Variants in ARHGEF3 observed in about 807,000 individuals in gnomAD.
The protein encoded by ARHGEF3 is 59.8 kDA protein.
In ARHGEF3, 28 loss-of-function variants were observed where a neutral mutation model predicts 63.2. That is an observed-to-expected ratio of 0.44 (90% CI 0.33 to 0.61). The LOEUF (loss-of-function observed/expected upper bound fraction) is 0.61. Among genes scored for constraint, ARHGEF3 ranks in the 20% least tolerant of loss-of-function variants. The pLI is 0.03. For synonymous variants in ARHGEF3, 266 were observed against 254.2 expected (o/e 1.05, Z -0.44); for missense variants, 533 against 659.3 (o/e 0.81, Z 2.10).
intron 4 of ARHGEF3, among the ~76,000 whole-genome samples, chr3:56,855,794 C>T (rs2039853755): frequency 6.6e-6 from 1 of 152,102 alleles, no homozygotes; most frequent in South Asian, 2.1e-4. Context: ...GAAAAACTGT[C>T]ATGCTGAACC....
chr3:56,983,191 T>C (rs948016152), intron 2 of ARHGEF3, among the ~76,000 whole-genome samples: 1 of 152,104 alleles, frequency 6.6e-6, no homozygotes, highest in Admixed American at 6.5e-5. Flanking sequence ...CATCCAACAT[T>C]TAAAAATCTA....
At chr3:56,747,560 G>A (rs904035720) in intron 6 of ARHGEF3, among the ~76,000 whole-genome samples, 20 of 152,192 alleles carry the variant, frequency 1.3e-4, no homozygotes, top group Admixed American at 3.9e-4. Flanking sequence ...AGACTAGGCC[G>A]GGTGCGGTGG....
intron 2 of ARHGEF3, among the ~76,000 whole-genome samples, chr3:57,034,317 A>C (rs1703858825): frequency 6.7e-6 from 1 of 150,210 alleles, no homozygotes; most frequent in Admixed American, 6.6e-5. Flanking sequence ...AAAAAGGCAT[A>C]AGAAAGAGGA....
intron 2 of ARHGEF3, among the ~76,000 whole-genome samples, chr3:56,990,067 G>A (rs1459162324): frequency 3.3e-5 from 5 of 152,202 alleles, no homozygotes; most frequent in African/African-American, 7.2e-5. Context: ...TCGCTACCCA[G>A]ATAAGGAAAG....
At chr3:56,844,418 T>C (rs1254071140) in intron 4 of ARHGEF3, among the ~76,000 whole-genome samples, 1 of 152,232 alleles carries the variant, frequency 6.6e-6, no homozygotes, top group African/African-American at 2.4e-5. Context: ...GCATATTGTC[T>C]GGAATCTTGT....
chr3:56,876,564 G>A (rs1312333619), intron 4 of ARHGEF3, among the ~76,000 whole-genome samples: 4 of 150,992 alleles, frequency 2.6e-5, no homozygotes, highest in African/African-American at 9.8e-5. Context: ...AAGAGTGGTT[G>A]TAACAACAAC....
intron 1 of ARHGEF3, among the ~76,000 whole-genome samples, chr3:57,076,252 A>G (rs1041954340): frequency 2.0e-4 from 31 of 151,360 alleles, no homozygotes; most frequent in African/African-American, 7.3e-4. Flanking sequence ...TTGAAGGGTT[A>G]CTAAACTATG....
At chr3:56,975,147 G>A (rs1701073677) in intron 2 of ARHGEF3, among the ~76,000 whole-genome samples, 2 of 152,168 alleles carry the variant, frequency 1.3e-5, no homozygotes, top group Admixed American at 1.3e-4. Flanking sequence ...GCTGAGTGCG[G>A]TGGCTCACAC....
chr3:56,835,131 T>C (rs1259948411), intron 4 of ARHGEF3, among the ~76,000 whole-genome samples: 2 of 152,136 alleles, frequency 1.3e-5, no homozygotes, highest in East Asian at 1.9e-4. Flanking sequence ...ATTATCTTGT[T>C]TTGTGTGTTC....
At chr3:56,819,968 C>A (rs2038417355) in intron 4 of ARHGEF3, among the ~76,000 whole-genome samples, 1 of 152,056 alleles carries the variant, frequency 6.6e-6, no homozygotes, top group Non-Finnish European at 1.5e-5. Context: ...CACCACCATA[C>A]CCAGCTAATT....
intron 3 of ARHGEF3, among the ~76,000 whole-genome samples, chr3:56,941,667 CTT>C (rs1699194299): frequency 6.6e-6 from 1 of 152,198 alleles, no homozygotes; most frequent in African/African-American, 2.4e-5. Flanking sequence ...TACACACTCT[CTT>C]TAAAAAATTC....
rs142914591 is a variant in ARHGEF3, at chr3:57,030,548, A to G, written c.62+4540T>C. Among the ~76,000 whole-genome samples the G allele has an allele frequency of 3.9e-3, 598 of 152,342 alleles. 4 individuals are homozygous for G. The highest frequency in any genetic ancestry group is 0.014 in the African/African-American group (572 of 41,580). ...TAAATCTTCCCATTTCTCCAGCATA[A>G]GTGAAGTCCTTACTATCCAACCATT... On this transcript the variant is annotated intron_variant, in intron 2 of 12. Coordinates refer to the ARHGEF3 transcript ENST00000338458.
At chr3:56,858,933 G>A (rs1357487748) in intron 4 of ARHGEF3, among the ~76,000 whole-genome samples, 2 of 152,098 alleles carry the variant, frequency 1.3e-5, no homozygotes, top group African/African-American at 4.8e-5. Context: ...TACTTCCTAG[G>A]CAGCCTGCTG....
chr3:56,998,351 C>A (rs1232901037), intron 2 of ARHGEF3, among the ~76,000 whole-genome samples: 3 of 151,878 alleles, frequency 2.0e-5, no homozygotes, highest in Admixed American at 1.3e-4. Context: ...AAGATTAACA[C>A]TCATTAAATA....
intron 3 of ARHGEF3, among the ~76,000 whole-genome samples, chr3:56,889,352 C>T (rs1040671484): frequency 3.9e-5 from 6 of 152,140 alleles, no homozygotes; most frequent in African/African-American, 1.4e-4. Context: ...CGTGTCCTTA[C>T]CTGGCTTAAC....
intron 2 of ARHGEF3, among the ~76,000 whole-genome samples, chr3:56,758,205 C>A (rs1194150502): frequency 6.6e-6 from 1 of 151,356 alleles, no homozygotes; most frequent in South Asian, 2.1e-4. Context: ...TGCTTGAACC[C>A]GTGAAGTGGA....
chr3:56,982,790 T>C (rs1277783343), intron 2 of ARHGEF3, among the ~76,000 whole-genome samples: 2 of 152,136 alleles, frequency 1.3e-5, no homozygotes, highest in Non-Finnish European at 2.9e-5. Flanking sequence ...CCCTGGGACC[T>C]GGCCTGCAGA....
chr3:56,794,488 CAAAAAAAAAAA>C (rs10557985), intron 1 of ARHGEF3, among the ~76,000 whole-genome samples: 10 of 116,918 alleles, frequency 8.6e-5, no homozygotes, highest in Admixed American at 1.8e-4. Flanking sequence ...GACTCTATCT[CAAAAAAAAAAA>C]AAAAAAAAAA....
intron 3 of ARHGEF3, among the ~76,000 whole-genome samples, chr3:56,955,470 T>C (rs941863376): frequency 6.6e-6 from 1 of 152,198 alleles, no homozygotes; most frequent in Non-Finnish European, 1.5e-5. Context: ...CCCAAAGTGC[T>C]GGGATTACAG....
Sources: allele counts gnomAD v4.1 joint callset (sites outside exome capture counted in the v4.1 genomes callset), GRCh38; gene constraint gnomAD v4.1.1; transcripts MANE v1.5; gene names NCBI Gene and HGNC (gene_info 2026-07-23, HGNC 2026-07-21).